TMEM40: variants seen among roughly 807,000 people sequenced by gnomAD.
TMEM40 encodes the protein transmembrane protein 40.
Under a neutral mutation model 40.8 loss-of-function variants are expected in TMEM40, and 34 were observed. The ratio of observed to expected loss-of-function variants is 0.83; its 90% CI spans 0.63 to 1.11. The LOEUF (loss-of-function observed/expected upper bound fraction) is 1.11. TMEM40 is among the 50% of genes least tolerant of loss of function. The pLI is 0.00. For synonymous variants in TMEM40, 106 were observed against 107.0 expected (o/e 0.99, Z 0.06); for missense variants, 296 against 280.2 (o/e 1.06, Z -0.40).
At chr3:12,752,448 C>T (rs1184339384) in intron 1 of TMEM40, among the ~76,000 whole-genome samples, 3 of 152,168 alleles carry the variant, frequency 2.0e-5, no homozygotes, top group African/African-American at 7.2e-5. Flanking sequence ...TGAAGGCTCA[C>T]TAGGGCCGTG....
At position 12,750,571 on chromosome 3, in the gene TMEM40, A is replaced by C. The variant is rs1290631548; in HGVS notation, c.-8-731T>G. Among the ~76,000 whole-genome samples the C allele has an allele frequency of 2.0e-5, 3 of 152,190 alleles. No homozygotes were observed. The East Asian group carries it at 5.8e-4, about 29-fold the overall frequency. On this transcript the variant is annotated intron_variant, in intron 1 of 11. Transcript: ENST00000314124. ...CTCTCAGCTCTGAGGCTGAGACCTT[A>C]AATCTGAGAGGAGGTAGATTTACTA...
chr3:12,752,658 A>C (rs573397116), intron 1 of TMEM40, among the ~76,000 whole-genome samples: 3 of 152,150 alleles, frequency 2.0e-5, no homozygotes, highest in Admixed American at 2.0e-4. Context: ...TTAGCTGGGC[A>C]TGGTGGTTGC....
At chr3:12,765,147 G>GC (rs1470694580) in intron 1 of TMEM40, among the ~76,000 whole-genome samples, 1 of 152,014 alleles carries the variant, frequency 6.6e-6, no homozygotes, top group African/African-American at 2.4e-5. Context: ...ATGAGCCACC[G>GC]CGCCTGGCCT....
intron 7 of TMEM40, 136 bp downstream of exon 7, chr3:12,738,000 T>A: frequency 8.4e-7 from 1 of 1,185,746 alleles, no homozygotes; most frequent in Non-Finnish European, 1.2e-6. Context: ...AGATCCCCCT[T>A]CTGAATCATA....
intron 10 of TMEM40, 91 bp from the exon 11 acceptor site, chr3:12,735,708 C>A: frequency 9.3e-7 from 1 of 1,073,100 alleles, no homozygotes. Flanking sequence ...CTCATGCAAA[C>A]AAAGCTCTGA....
chr3:12,768,904 GGGC>G, intron 1 of TMEM40, among the ~76,000 whole-genome samples: 1 of 103,592 alleles, frequency 9.7e-6, no homozygotes, highest in African/African-American at 6.4e-5. Context: ...GGGCGGGGCA[GGGC>G]GGGCCGGGGC....
chr3:12,751,750 A>G lies in TMEM40; in HGVS notation c.-8-1910T>C, dbSNP rs564129331. On this transcript the variant is annotated intron_variant, in intron 1 of 11. Coordinates refer to ENST00000314124, the MANE Select transcript of TMEM40 (RefSeq NM_018306.4). ...TCTCTGCACGCAACAGGTGACTAGT[A>G]CATATTCATTGGCTGAGATCATCTC... Among the ~76,000 whole-genome samples, 9 of 152,328 alleles carry G rather than the reference A, an allele frequency of 5.9e-5. No individual in the cohort carries two copies. The East Asian group carries it at 1.4e-3, about 23-fold the overall frequency.
At position 12,738,703 on chromosome 3, in the gene TMEM40, C is replaced by T. The variant is rs545569369; in HGVS notation, c.356-115G>A. On this transcript the variant is annotated intron_variant, in intron 5 of 11. Transcript: ENST00000314124. ...ACTTCCCACTTAATCTGGAGTCGGC[C>T]AGGTGGGGAATGGAGCCGGCTGGAG... The T allele has an allele frequency of 1.4e-5, 16 of 1,173,110 alleles. No homozygotes were observed. In the South Asian group the frequency reaches 1.9e-4, roughly 14 times the overall value. The allele number at this position is 1,173,110 out of a possible 1,614,324, so 72.7% of individuals were successfully genotyped here. A position where few individuals can be genotyped will look rare whatever the true frequency, so the allele number is the denominator to read the frequency against.
At chr3:12,769,123 T>TCA (rs1312610687) in intron 1 of TMEM40, 2 of 220,118 alleles carry the variant, frequency 9.1e-6, no homozygotes, top group Non-Finnish European at 2.0e-5. Flanking sequence ...GCTAAGCCCC[T>TCA]CACTGCCCGG....
At chr3:12,741,435 C>T (rs1279845218) in intron 5 of TMEM40, 1 of 152,198 alleles carries the variant, frequency 6.6e-6, no homozygotes, top group Non-Finnish European at 1.5e-5. Context: ...TAGCATGTGA[C>T]AACAGGCACT....
At chr3:12,755,071 CTTT>C (rs1399074202) in intron 1 of TMEM40, among the ~76,000 whole-genome samples, 1 of 140,718 alleles carries the variant, frequency 7.1e-6, no homozygotes, top group Non-Finnish European at 1.5e-5. Context: ...TTCTTTCCTT[CTTT>C]CTTTCCTCTC....
At chr3:12,746,054 C>T (rs991686760) in intron 3 of TMEM40, among the ~76,000 whole-genome samples, 2 of 151,940 alleles carry the variant, frequency 1.3e-5, no homozygotes, top group Admixed American at 6.6e-5. Context: ...CCCACCACCA[C>T]ACCTGGCTAA....
At chr3:12,737,600 G>A (rs921695744) in intron 8 of TMEM40, 107 bp downstream of exon 8, 11 of 1,015,592 alleles carry the variant, frequency 1.1e-5, no homozygotes, top group Middle Eastern at 2.1e-4. Context: ...CAGGGCACAC[G>A]ACAGAGGTGG....
At chr3:12,735,687 C>T in intron 10 of TMEM40, 70 bp from the exon 11 acceptor site, 1 of 1,363,686 alleles carries the variant, frequency 7.3e-7, no homozygotes, top group Non-Finnish European at 1.0e-6. Context: ...CACCACTGGA[C>T]AAGGGCCTAA....
At chr3:12,764,139 C>A (rs1449882602), upstream of TMEM40, among the ~76,000 whole-genome samples, 1 of 152,078 alleles carries the variant, frequency 6.6e-6, no homozygotes, top group Non-Finnish European at 1.5e-5. Flanking sequence ...GTCTTGAACT[C>A]CTGACCTCAG....
At chr3:12,746,187 T>A (rs996705891) in intron 3 of TMEM40, among the ~76,000 whole-genome samples, 2 of 152,212 alleles carry the variant, frequency 1.3e-5, no homozygotes, top group Non-Finnish European at 2.9e-5. Context: ...AGTGAGCCAC[T>A]GTGCCCAGCC....
At chr3:12,749,896 A>G in intron 1 of TMEM40, 56 bp from the exon 2 acceptor site, 1 of 1,470,568 alleles carries the variant, frequency 6.8e-7, no homozygotes, top group Non-Finnish European at 9.4e-7. Flanking sequence ...ATCTTAATAT[A>G]CAAAGAGCTT....
At position 12,743,922 on chromosome 3, in the gene TMEM40, G is replaced by A. The variant is rs762089697; in HGVS notation, c.279C>T (p.Tyr93=). ...TACCGGGTGAGCCGTTCCCGTGGGG[G>A]TATCCAGCCCCCAGGCTCCGTCGAT... ...GKHRRSLGAG[Y]PHGNGSPGPG... is the part of the protein sequence containing the mutation. The change falls in exon 4 of 12, where the codon TAC becomes TAT. Residue 93 remains tyrosine (Y), a synonymous_variant. Transcript: ENST00000314124. 2 of 1,613,352 alleles carry A rather than the reference G, an allele frequency of 1.2e-6. No individual in the cohort carries two copies. Among genetic ancestry groups the A allele is most frequent in the African/African-American group, 1.3e-5 (1 of 75,036 alleles).
At chr3:12,756,983 C>T (rs1025253893) in intron 1 of TMEM40, among the ~76,000 whole-genome samples, 1 of 152,134 alleles carries the variant, frequency 6.6e-6, no homozygotes, top group African/African-American at 2.4e-5. Flanking sequence ...CAGTTCCCGC[C>T]TCTACCCCTC....
Sources: allele counts gnomAD v4.1 joint callset (sites outside exome capture counted in the v4.1 genomes callset), GRCh38; gene constraint gnomAD v4.1.1; transcripts MANE v1.5; gene names NCBI Gene and HGNC (gene_info 2026-07-23, HGNC 2026-07-21).